Variants in GRIK1 observed in about 807,000 individuals in gnomAD.
GRIK1 encodes glutamate ionotropic receptor kainate type subunit 1, also known as glutamate receptor ionotropic, kainate 1.
Under a neutral mutation model 105.7 loss-of-function variants are expected in GRIK1, and 69 were observed. The observed-to-expected ratio is 0.65, with a 90% CI of 0.54 to 0.80. The LOEUF is 0.80. GRIK1 is among the 30% of genes least tolerant of loss of function. The probability of loss-of-function intolerance (pLI) is 0.00; values close to 1 mark genes in which losing one functional copy is unlikely to be tolerated. For missense variants in GRIK1, 1,109 were observed against 1,167.3 expected, an observed-to-expected ratio of 0.95 and a Z score of 0.73; for synonymous variants, 438 against 431.3, an observed-to-expected ratio of 1.02 and a Z score of -0.19.
chr21:29,701,676 A>G (rs939187965), intron 1 of GRIK1, among the ~76,000 whole-genome samples: 3 of 152,194 alleles, frequency 2.0e-5, no homozygotes, highest in African/African-American at 7.2e-5. Flanking sequence ...GACTGAAGGG[A>G]GGAGAAGGGC....
chr21:29,845,270 C>T (rs2146019759), intron 1 of GRIK1, among the ~76,000 whole-genome samples: 1 of 152,052 alleles, frequency 6.6e-6, no homozygotes, highest in African/African-American at 2.4e-5. Context: ...AAAAAAAATG[C>T]CAAACGTCTT....
At chr21:29,923,192 C>T (rs1009571787) in intron 1 of GRIK1, among the ~76,000 whole-genome samples, 7 of 152,130 alleles carry the variant, frequency 4.6e-5, no homozygotes, top group Non-Finnish European at 8.8e-5. Flanking sequence ...TAGGGTGATA[C>T]TGTCCTCCTT....
intron 1 of GRIK1, among the ~76,000 whole-genome samples, chr21:29,720,625 A>T (rs1309868936): frequency 6.6e-6 from 1 of 152,110 alleles, no homozygotes; most frequent in Non-Finnish European, 1.5e-5. Context: ...TGGCCGGCTC[A>T]TGGAGCTTCG....
intron 1 of GRIK1, among the ~76,000 whole-genome samples, chr21:29,933,520 C>A (rs529540096): frequency 7.0e-4 from 106 of 152,202 alleles, no homozygotes; most frequent in Non-Finnish European, 1.2e-3. Context: ...ACTATACAAA[C>A]GTGCCTCATG....
intron 16 of GRIK1, among the ~76,000 whole-genome samples, chr21:29,548,222 G>T (rs531228458): frequency 2.0e-4 from 30 of 152,104 alleles, no homozygotes; most frequent in Non-Finnish European, 2.2e-4. Context: ...CCGTATTTGG[G>T]CTGACAACAA....
intron 7 of GRIK1, among the ~76,000 whole-genome samples, chr21:29,630,066 TA>T (rs2062230565): frequency 6.6e-6 from 1 of 152,106 alleles, no homozygotes; most frequent in African/African-American, 2.4e-5. Context: ...AGACTTTTCT[TA>T]TGTGGGTGTA....
chr21:29,892,306 A>G (rs1278226336), intron 1 of GRIK1, among the ~76,000 whole-genome samples: 1 of 152,204 alleles, frequency 6.6e-6, no homozygotes, highest in African/African-American at 2.4e-5. Flanking sequence ...TTGAGAAGCT[A>G]GGAGGTAAAG....
At chr21:29,742,977 G>C (rs182118124) in intron 1 of GRIK1, among the ~76,000 whole-genome samples, 3 of 151,342 alleles carry the variant, frequency 2.0e-5, no homozygotes, top group East Asian at 1.9e-4. Flanking sequence ...TAGTATCACT[G>C]TTTTAATTAT....
At chr21:29,575,656 A>C (rs2090873278) in intron 14 of GRIK1, among the ~76,000 whole-genome samples, 1 of 151,994 alleles carries the variant, frequency 6.6e-6, no homozygotes, top group Non-Finnish European at 1.5e-5. Context: ...ATATGGTGAA[A>C]CCCTGTCTCT....
intron 1 of GRIK1, among the ~76,000 whole-genome samples, chr21:29,804,618 A>C (rs1292435528): frequency 2.0e-5 from 3 of 152,180 alleles, no homozygotes; most frequent in African/African-American, 7.2e-5. Flanking sequence ...AATTATTTTC[A>C]GTTTAATTGT....
chr21:29,868,981 A>G (rs2068920711), intron 1 of GRIK1, among the ~76,000 whole-genome samples: 1 of 152,234 alleles, frequency 6.6e-6, no homozygotes, highest in African/African-American at 2.4e-5. Flanking sequence ...CAGTGAAATG[A>G]AAAGTAAATA....
At chr21:29,681,903 A>G (rs1388346858) in intron 3 of GRIK1, among the ~76,000 whole-genome samples, 2 of 152,216 alleles carry the variant, frequency 1.3e-5, no homozygotes, top group Non-Finnish European at 2.9e-5. Context: ...GGGTGGCATC[A>G]CGATGGGACA....
chr21:29,767,742 C>T (rs1208682745), intron 1 of GRIK1, among the ~76,000 whole-genome samples: 1 of 152,040 alleles, frequency 6.6e-6, no homozygotes, highest in East Asian at 1.9e-4. Flanking sequence ...GCCTTTGAGT[C>T]AGAAGTCCCT....
At chr21:29,797,567 C>A (rs2066593098) in intron 1 of GRIK1, among the ~76,000 whole-genome samples, 1 of 152,150 alleles carries the variant, frequency 6.6e-6, no homozygotes, top group African/African-American at 2.4e-5. Context: ...AAAATAATTC[C>A]ATCACACAGC....
intron 1 of GRIK1, among the ~76,000 whole-genome samples, chr21:29,867,807 AG>A (rs935356859): frequency 6.9e-6 from 1 of 143,908 alleles, no homozygotes; most frequent in Non-Finnish European, 1.5e-5. Context: ...GAAGAAAGAA[AG>A]AAAGAAAGAA....
intron 1 of GRIK1, among the ~76,000 whole-genome samples, chr21:29,812,701 C>T (rs1424690889): frequency 1.3e-5 from 2 of 152,174 alleles, no homozygotes; most frequent in Non-Finnish European, 2.9e-5. Context: ...CTAGGAAATA[C>T]ACAGATGAGT....
chr21:29,616,266 C>T (rs1375682809), intron 7 of GRIK1, among the ~76,000 whole-genome samples: 2 of 152,158 alleles, frequency 1.3e-5, no homozygotes, highest in East Asian at 3.8e-4. Flanking sequence ...GAACCCATCT[C>T]TTGAGGGATA....
At chr21:29,563,281 G>A (rs2090529137) in intron 14 of GRIK1, among the ~76,000 whole-genome samples, 1 of 152,132 alleles carries the variant, frequency 6.6e-6, no homozygotes, top group Non-Finnish European at 1.5e-5. Context: ...GGTGTTCCTG[G>A]GGGCCACTCA....
intron 1 of GRIK1, among the ~76,000 whole-genome samples, chr21:29,849,413 G>C (rs972311115): frequency 6.6e-6 from 1 of 152,088 alleles, no homozygotes; most frequent in Non-Finnish European, 1.5e-5. Context: ...AAAATCAGTC[G>C]AGCATCCATC....
Sources: allele counts gnomAD v4.1 joint callset (sites outside exome capture counted in the v4.1 genomes callset), GRCh38; gene constraint gnomAD v4.1.1; transcripts MANE v1.5; gene names NCBI Gene and HGNC (gene_info 2026-07-23, HGNC 2026-07-21).